TAF1B: variants seen among roughly 807,000 people sequenced by gnomAD.
TAF1B encodes TATA box-binding protein-associated factor RNA polymerase I subunit B.
In TAF1B, 61 loss-of-function variants were observed where a neutral mutation model predicts 83.9. The observed-to-expected ratio is 0.73, with a 90% confidence interval of 0.59 to 0.90. TAF1B has a LOEUF of 0.90. Among genes scored for constraint, TAF1B ranks in the 40% least tolerant of loss-of-function variants. The probability of loss-of-function intolerance (pLI) is 0.00; values close to 1 mark genes in which losing one functional copy is unlikely to be tolerated. For missense variants in TAF1B, 625 were observed against 677.0 expected, an observed-to-expected ratio of 0.92 and a Z score of 0.85; for synonymous variants, 221 against 224.6, an observed-to-expected ratio of 0.98 and a Z score of 0.14.
chr2:9,872,325 TA>T (rs34234383), intron 6 of TAF1B, among the ~76,000 whole-genome samples: 45,214 of 137,924 alleles, frequency 0.33, 7,217 homozygotes, highest in African/African-American at 0.43. Flanking sequence ...GATTCCATCT[TA>T]AAAAAAAAAA....
intron 5 of TAF1B, among the ~76,000 whole-genome samples, chr2:9,859,722 T>A (rs1663690537): frequency 6.6e-6 from 1 of 152,166 alleles, no homozygotes; most frequent in Admixed American, 6.5e-5. Flanking sequence ...TCAACAAGTT[T>A]CTAGGAATTT....
In TAF1B at chr2:9,916,076, C is replaced by CAAG. The variant is rs551373514; in HGVS notation, c.1271+2828_1271+2830dup. 3.9e-5 allele frequency among the ~76,000 whole-genome samples: 6 copies of CAAG among 152,266 alleles called. No homozygotes were observed. The East Asian group carries it at 1.2e-3, about 29-fold the overall frequency. ...TTGCCTGAGATCAAGGGTTGACTGT[C>CAAG]AAGGGATGTGGGAGATATTTTGGAG... On this transcript the variant is annotated intron_variant, in intron 12 of 14. Coordinates refer to ENST00000263663, the MANE Select transcript of TAF1B (RefSeq NM_005680.3).
chr2:9,914,731 A>G lies in TAF1B; in HGVS notation c.1271+1482A>G, dbSNP rs968779170. On this transcript the variant is annotated intron_variant, in intron 12 of 14. Coordinates refer to ENST00000263663, the MANE Select transcript of TAF1B (RefSeq NM_005680.3). This position sits in a 1 kb window ranked among gnomAD's most constrained non-coding sequence, Gnocchi z 4.3. ...CTTTCCAGGGAGGTACCGGGCCCCA[A>G]GGTGGAGGCTGTCGAGGGGACCCGT... Among the ~76,000 whole-genome samples the G allele has an allele frequency of 6.6e-6, 1 of 152,170 alleles. No homozygotes were observed. Among genetic ancestry groups the G allele is most frequent in the Non-Finnish European group, 1.5e-5 (1 of 68,030 alleles).
chr2:9,868,195 G>A (rs763502487), intron 5 of TAF1B, 81 bp from the exon 6 acceptor site: 97 of 1,433,118 alleles, frequency 6.8e-5, no homozygotes, highest in Non-Finnish European at 8.9e-5. Context: ...GGGTGTTTGT[G>A]ATAGGAGTTG....
intron 5 of TAF1B, among the ~76,000 whole-genome samples, chr2:9,864,686 C>T (rs1239541923): frequency 1.3e-5 from 2 of 152,042 alleles, no homozygotes; most frequent in Non-Finnish European, 2.9e-5. Flanking sequence ...TGCAAAAATC[C>T]TCAATAAAAT....
chr2:9,881,370 T>C (rs1345695049), intron 7 of TAF1B, among the ~76,000 whole-genome samples: 3 of 152,184 alleles, frequency 2.0e-5, no homozygotes, highest in Non-Finnish European at 4.4e-5. Context: ...TTTTGTCCTT[T>C]AAGTGTTACA....
At chr2:9,848,644 C>A (rs1186767049) in intron 2 of TAF1B, among the ~76,000 whole-genome samples, 1 of 149,258 alleles carries the variant, frequency 6.7e-6, no homozygotes, top group East Asian at 2.0e-4. Context: ...CCAGCCTGGG[C>A]GACGAGAGCG....
At chr2:9,923,041 C>T (rs1323940863) in intron 14 of TAF1B, among the ~76,000 whole-genome samples, 2 of 151,798 alleles carry the variant, frequency 1.3e-5, no homozygotes, top group Admixed American at 6.6e-5. Context: ...TCCAGGAGTT[C>T]GAGACCAACC....
At chr2:9,844,987 C>CT (rs887786745) in intron 1 of TAF1B, among the ~76,000 whole-genome samples, 8 of 151,690 alleles carry the variant, frequency 5.3e-5, no homozygotes, top group Admixed American at 2.6e-4. Context: ...ACCTCCTTTT[C>CT]TTTTTTTTTC....
chr2:9,844,539 G>C (rs922291980), intron 1 of TAF1B: 3 of 152,180 alleles, frequency 2.0e-5, no homozygotes, highest in African/African-American at 7.2e-5. Context: ...CAAAGAGTTG[G>C]GGATCAGAGA....
intron 1 of TAF1B, 75 bp downstream of exon 1, chr2:9,843,634 G>C (rs1016838436): frequency 3.6e-6 from 5 of 1,395,738 alleles, no homozygotes; most frequent in Non-Finnish European, 4.7e-6. Context: ...GAGCGGCGGA[G>C]GACGCCGCGG....
At chr2:9,932,544 CT>C (rs1666246653) in intron 14 of TAF1B, among the ~76,000 whole-genome samples, 1 of 152,192 alleles carries the variant, frequency 6.6e-6, no homozygotes, top group Admixed American at 6.5e-5. Flanking sequence ...CCTCTGGAAG[CT>C]TTGTCCCAGG....
Position 9,917,990 on chromosome 2 carries a change from T to G in TAF1B, c.1272-1051T>G, listed in dbSNP as rs555210648. 4.9e-3 allele frequency among the ~76,000 whole-genome samples: 731 copies of G among 150,186 alleles called. 6 individuals carry two copies. The highest frequency in any genetic ancestry group is 0.016 in the African/African-American group (668 of 40,578). On this transcript the variant is annotated intron_variant, in intron 12 of 14. Transcript: ENST00000263663. The stretch of plus-strand genomic sequence containing the variant: ...GGGAGGCTGAGGCAGGAGAATGGCG[T>G]GAACCCGGGAGGCGGAGCTTGCAGT...
chr2:9,863,899 C>T (rs1212091041), intron 5 of TAF1B, among the ~76,000 whole-genome samples: 10 of 152,016 alleles, frequency 6.6e-5, no homozygotes, highest in African/African-American at 9.7e-5. Flanking sequence ...TTGAAACCAA[C>T]GAGAACAAAG....
At chr2:9,872,284 C>G (rs1381998423) in intron 6 of TAF1B, among the ~76,000 whole-genome samples, 1 of 150,832 alleles carries the variant, frequency 6.6e-6, no homozygotes, top group African/African-American at 2.4e-5. Flanking sequence ...TGAGATCACA[C>G]CACTGCACTC....
At chr2:9,857,747 C>T (rs1232250083) in intron 5 of TAF1B, among the ~76,000 whole-genome samples, 6 of 152,106 alleles carry the variant, frequency 3.9e-5, no homozygotes, top group South Asian at 4.1e-4. Context: ...AGAGTGCGTG[C>T]GTGTGAGCAA....
At position 9,843,490 on chromosome 2, in the gene TAF1B, G is replaced by T. The variant is rs1213201130; in HGVS notation, c.-52G>T. 2 of 1,516,428 alleles carry T rather than the reference G, an allele frequency of 1.3e-6. No individual in the cohort carries two copies. Among genetic ancestry groups the T allele is most frequent in the Non-Finnish European group, 1.8e-6 (2 of 1,126,802 alleles). 93.9% of individuals were successfully genotyped at this position (1,516,428 alleles called of 1,614,324 possible). A position where few individuals can be genotyped will look rare whatever the true frequency, so the allele number is the denominator to read the frequency against. On this transcript the variant is annotated 5_prime_UTR_variant, in exon 1 of 15. Coordinates refer to ENST00000263663, the MANE Select transcript of TAF1B (RefSeq NM_005680.3). Reference sequence around the variant, plus strand: ...TTCTCCAGCCTTTCCCGGAAGCTGCGCTCGCTACCCGGGTAACGGGTCCCG... The same window carrying T: ...TTCTCCAGCCTTTCCCGGAAGCTGCTCTCGCTACCCGGGTAACGGGTCCCG...
intron 5 of TAF1B, among the ~76,000 whole-genome samples, chr2:9,865,153 C>G (rs1347873657): frequency 6.6e-6 from 1 of 152,086 alleles, no homozygotes; most frequent in Non-Finnish European, 1.5e-5. Flanking sequence ...TCAAATTGTC[C>G]CTGTTTGCAG....
At chr2:9,870,974 C>CT (rs1412080145) in intron 6 of TAF1B, among the ~76,000 whole-genome samples, 1 of 152,150 alleles carries the variant, frequency 6.6e-6, no homozygotes, top group Non-Finnish European at 1.5e-5. Flanking sequence ...TGCATTCTAT[C>CT]AGTTTCATCT....
Sources: allele counts gnomAD v4.1 joint callset (sites outside exome capture counted in the v4.1 genomes callset), GRCh38; gene constraint gnomAD v4.1.1; non-coding constraint Gnocchi (gnomAD v3.1); transcripts MANE v1.5; gene names NCBI Gene and HGNC (gene_info 2026-07-23, HGNC 2026-07-21).